KDM1B: variants seen among roughly 807,000 people sequenced by gnomAD.
KDM1B encodes the protein lysine-specific histone demethylase 2.
A neutral mutation model predicts 107.4 loss-of-function variants in KDM1B; 63 were observed. The ratio of observed to expected loss-of-function variants is 0.59; its 90% CI spans 0.48 to 0.72. The LOEUF is 0.72. KDM1B is among the 30% of genes least tolerant of loss of function. The pLI is 0.00. For synonymous variants in KDM1B, 363 were observed against 363.9 expected, an observed-to-expected ratio of 1.00 and a Z score of 0.03; for missense variants, 749 against 1,020.8, an observed-to-expected ratio of 0.73 and a Z score of 3.63.
Position 18,208,173 on chromosome 6 carries a change from C to G in KDM1B, c.1833C>G (p.Thr611=). ...IDYSGDEVQV[T]TTDGTGYSAQ... is the part of the protein sequence containing the mutation. ...ATTCTGGAGATGAAGTGCAGGTTAC[C>G]ACTACAGATGGCACAGGGTATTCTG... Residue 611 remains threonine, a synonymous_variant, in exon 17 of 22, where the codon ACC becomes ACG. Coordinates refer to ENST00000650836, the MANE Select transcript of KDM1B (RefSeq NM_001364614.2). 1 of 1,613,648 alleles carries G rather than the reference C, an allele frequency of 6.2e-7. No homozygotes were observed. Among genetic ancestry groups the G allele is most frequent in the Non-Finnish European group, 8.5e-7 (1 of 1,179,752 alleles).
intron 5 of KDM1B, 116 bp from the exon 6 acceptor site, chr6:18,166,151 C>G (rs1359207193): frequency 6.8e-5 from 40 of 585,050 alleles, no homozygotes. Context: ...ACTTTTATAA[C>G]AAGGCTAGTT....
rs1582208262 is a variant in KDM1B, at chr6:18,212,356, G to A, written c.1867-132G>A. On this transcript the variant is annotated intron_variant, in intron 17 of 21. Transcript: ENST00000650836. The surrounding 1 kb of genome is among the most constrained non-coding windows in gnomAD (Gnocchi z 5.2). ...CCAGGCATTGGCACCCTTGTGCAGT[G>A]AGCAACCTGCACAGTTGCACATGGC... 5.5e-6 allele frequency: 4 copies of A among 724,994 alleles called. No homozygotes were observed. In the East Asian group the frequency reaches 7.4e-5, roughly 13 times the overall value. 44.9% of individuals were successfully genotyped at this position (724,994 alleles called of 1,614,324 possible).
intron 21 of KDM1B, among the ~76,000 whole-genome samples, chr6:18,220,963 C>A (rs1026272702): frequency 5.3e-5 from 8 of 151,856 alleles, no homozygotes; most frequent in African/African-American, 1.9e-4. Flanking sequence ...GTTGGTCAGG[C>A]AGGTCTTGAA....
At position 18,220,835 on chromosome 6, in the gene KDM1B, G is replaced by A. The variant is rs900103215; in HGVS notation, c.2386-1074G>A. 8.6e-5 allele frequency among the ~76,000 whole-genome samples: 13 copies of A among 150,464 alleles called. 1 individual carries two copies. The highest frequency in any genetic ancestry group is 1.2e-4 in the Non-Finnish European group (8 of 67,700). On this transcript the variant is annotated intron_variant, in intron 21 of 21. Coordinates refer to ENST00000650836, the MANE Select transcript of KDM1B (RefSeq NM_001364614.2). ...CGCACAGGCTGGAGTGCAGTGGCGCGATCTTGGCTCACTGCAACCTCCGCC... is the reference window on the plus strand; with the variant it reads ...CGCACAGGCTGGAGTGCAGTGGCGCAATCTTGGCTCACTGCAACCTCCGCC...
At chr6:18,220,455 A>G (rs1789603403) in intron 21 of KDM1B, among the ~76,000 whole-genome samples, 2 of 152,286 alleles carry the variant, frequency 1.3e-5, no homozygotes. Context: ...AGGCTGAGGT[A>G]GAATCGCTTG....
chr6:18,222,331 A>G lies in KDM1B; in HGVS notation c.*339A>G. ...TTAGATTTCACATTTTATATGGCTGATCAATTTTCATACATTGAGAAACCA... is the reference window on the plus strand; with the variant it reads ...TTAGATTTCACATTTTATATGGCTGGTCAATTTTCATACATTGAGAAACCA... On this transcript the variant is annotated 3_prime_UTR_variant, in exon 22 of 22. Transcript: ENST00000650836. 2.7e-6 allele frequency: 1 copy of G among 369,340 alleles called. No homozygotes were observed. Among genetic ancestry groups the G allele is most frequent in the South Asian group, 2.2e-5 (1 of 44,608 alleles). The allele number at this position is 369,340 out of a possible 1,614,324, so 22.9% of individuals were successfully genotyped here. A position where few individuals can be genotyped will look rare whatever the true frequency, so the allele number is the denominator to read the frequency against.
At chr6:18,206,501 A>G (rs1788383262) in intron 15 of KDM1B, among the ~76,000 whole-genome samples, 1 of 152,218 alleles carries the variant, frequency 6.6e-6, no homozygotes, top group South Asian at 2.1e-4. Context: ...TGGGCGATAG[A>G]GTGAGACCCT....
intron 9 of KDM1B, among the ~76,000 whole-genome samples, chr6:18,189,947 C>G (rs539487623): frequency 6.6e-6 from 1 of 151,618 alleles, no homozygotes; most frequent in Non-Finnish European, 1.5e-5. Context: ...AGTTTGAGAT[C>G]AGCCTGGCCA....
Position 18,204,796 on chromosome 6 carries a change from G to C in KDM1B, c.1532-741G>C, listed in dbSNP as rs1029138454. 6.6e-5 allele frequency among the ~76,000 whole-genome samples: 10 copies of C among 152,216 alleles called. No individual in the cohort carries two copies. The highest frequency in any genetic ancestry group is 2.4e-4 in the African/African-American group (10 of 41,456). ...GATGCCCGACTATAAAGAATGGATG[G>C]GATTGGGTGGGAGAAGGCATTCCCA... On this transcript the variant is annotated intron_variant, in intron 14 of 21. Transcript: ENST00000650836. The surrounding 1 kb of genome is among the most constrained non-coding windows in gnomAD (Gnocchi z 4.9).
At position 18,166,318 on chromosome 6, in the gene KDM1B, C is replaced by G. The variant is rs1009477649; in HGVS notation, c.357C>G (p.Ser119Arg). The change falls in exon 6 of 22, where the codon AGC becomes AGG. Residue 119 changes from serine to arginine, a missense_variant. Ser to Arg is a moderately radical substitution (Grantham distance 110). Transcript: ENST00000650836. ...KYTTWKKIWT[S>R]NGKTEPSPKA... ...CTACATGGAAAAAAATATGGACTAG[C>G]AATGGCAAAACCGAACCTAGTCCCA... 1.9e-6 allele frequency: 3 copies of G among 1,613,022 alleles called. No homozygotes were observed. The highest frequency in any genetic ancestry group is 2.5e-6 in the Non-Finnish European group (3 of 1,179,156).
chr6:18,193,904 A>T (rs1477907578), intron 10 of KDM1B, among the ~76,000 whole-genome samples: 4 of 144,996 alleles, frequency 2.8e-5, no homozygotes, highest in Non-Finnish European at 6.1e-5. Flanking sequence ...ACAGAGTTTC[A>T]CTCTTGTTGC....
rs1234864167 is a variant in KDM1B, at chr6:18,222,137, T to G, written c.*145T>G. 1 of 774,508 alleles carries G rather than the reference T, an allele frequency of 1.3e-6. No individual in the cohort carries two copies. The highest frequency in any genetic ancestry group is 2.7e-5 in the East Asian group (1 of 37,634). The allele number at this position is 774,508 out of a possible 1,614,324, so 48.0% of individuals were successfully genotyped here. The stretch of plus-strand genomic sequence containing the variant: ...CTAAGGCGATATGATAATGCAAACC[T>G]ATTTCATCACTCTAAAAGCACTGAC... On this transcript the variant is annotated 3_prime_UTR_variant, in exon 22 of 22. Transcript: ENST00000650836.
chr6:18,195,446 T>C (rs1442443375), intron 10 of KDM1B, among the ~76,000 whole-genome samples: 2 of 152,144 alleles, frequency 1.3e-5, no homozygotes, highest in South Asian at 2.1e-4. Context: ...CATATATGTA[T>C]GTTGTGGCCG....
In KDM1B at chr6:18,212,428, G is replaced by C. The variant is rs1788914193; in HGVS notation, c.1867-60G>C. On this transcript the variant is annotated intron_variant, in intron 17 of 21. Transcript: ENST00000650836. The surrounding 1 kb of genome is among the most constrained non-coding windows in gnomAD (Gnocchi z 5.2). The stretch of plus-strand genomic sequence containing the variant: ...AACAGCATGGGTTGTTGATACCAGT[G>C]TAGTGGTAGTGTGAGGTTCTGTTGC... 2 of 956,798 alleles carry C rather than the reference G, an allele frequency of 2.1e-6. No homozygotes were observed. The highest frequency in any genetic ancestry group is 3.4e-5 in the Admixed American group (2 of 59,220). The allele number at this position is 956,798 out of a possible 1,614,324, so 59.3% of individuals were successfully genotyped here.
chr6:18,200,326 G>T lies in KDM1B; in HGVS notation c.1222-113G>T. ...TAAAGTTGTTTTTTTAGAAATATTT[G>T]GAATTAACCAAATATAGAGGCTATT... On this transcript the variant is annotated intron_variant, in intron 12 of 21. Transcript: ENST00000650836. The surrounding 1 kb of genome is among the most constrained non-coding windows in gnomAD (Gnocchi z 4.3). 9.4e-7 allele frequency: 1 copy of T among 1,060,202 alleles called. No homozygotes were observed. The highest frequency in any genetic ancestry group is 1.3e-6 in the Non-Finnish European group (1 of 746,040). 65.7% of individuals were successfully genotyped at this position (1,060,202 alleles called of 1,614,324 possible).
At chr6:18,174,322 ATAAAAAGCCTCTG>A (rs1561915899) in intron 7 of KDM1B, among the ~76,000 whole-genome samples, 1 of 152,132 alleles carries the variant, frequency 6.6e-6, no homozygotes, top group African/African-American at 2.4e-5. Flanking sequence ...TTAGTATCCA[ATAAAAAGCCTCTG>A]GGTTTTTTAT....
At position 18,212,407 on chromosome 6, in the gene KDM1B, G is replaced by GCAAGAA. The variant is rs111536402; in HGVS notation, c.1867-79_1867-78insAGAACA. 166 of 865,886 alleles carry GCAAGAA rather than the reference G, an allele frequency of 1.9e-4. 2 individuals carry two copies. The African/African-American group carries it at 2.0e-3, about 10-fold the overall frequency. The allele number at this position is 865,886 out of a possible 1,614,324, so 53.6% of individuals were successfully genotyped here. ...AGCCCTTGTTCTTGCCAGTATAACAGCATGGGTTGTTGATACCAGTGTAGT... is the reference window on the plus strand; with the variant it reads ...AGCCCTTGTTCTTGCCAGTATAACAGCAAGAACATGGGTTGTTGATACCAGTGTAGT... On this transcript the variant is annotated intron_variant, in intron 17 of 21. Transcript: ENST00000650836. This position sits in a 1 kb window ranked among gnomAD's most constrained non-coding sequence, Gnocchi z 5.2.
intron 7 of KDM1B, among the ~76,000 whole-genome samples, chr6:18,177,475 G>A (rs901510552): frequency 1.3e-5 from 2 of 149,600 alleles, no homozygotes; most frequent in South Asian, 2.1e-4. Context: ...GTCTGATCTC[G>A]GTTATTTCCT....
Position 18,214,884 on chromosome 6 carries a change from T to G in KDM1B, c.2110-123T>G, listed in dbSNP as rs1440622160. The G allele has an allele frequency of 5.3e-6, 5 of 946,312 alleles. No individual in the cohort carries two copies. Among genetic ancestry groups the G allele is most frequent in the Non-Finnish European group, 7.7e-6 (5 of 651,744 alleles). 58.6% of individuals were successfully genotyped at this position (946,312 alleles called of 1,614,324 possible). A position where few individuals can be genotyped will look rare whatever the true frequency, so the allele number is the denominator to read the frequency against. On this transcript the variant is annotated intron_variant, in intron 19 of 21. Transcript: ENST00000650836. The surrounding 1 kb of genome is among the most constrained non-coding windows in gnomAD (Gnocchi z 4.4). Reference sequence around the variant, plus strand: ...AAGATTGCACCATTGCACTCCAGCCTGGGTGACAGAGCAAAACTCTGTCTC... The same window carrying G: ...AAGATTGCACCATTGCACTCCAGCCGGGGTGACAGAGCAAAACTCTGTCTC...
Sources: allele counts gnomAD v4.1 joint callset (sites outside exome capture counted in the v4.1 genomes callset), GRCh38; gene constraint gnomAD v4.1.1; non-coding constraint Gnocchi (gnomAD v3.1); transcripts MANE v1.5; gene names NCBI Gene and HGNC (gene_info 2026-07-23, HGNC 2026-07-21).